The following CPAMD8 variants were observed in gnomAD, a reference collection of about 807,000 sequenced individuals.
The protein encoded by CPAMD8 is C3 and PZP-like alpha-2-macroglobulin domain-containing protein 8.
A neutral mutation model predicts 224.7 loss-of-function variants in CPAMD8; 146 were observed. The observed-to-expected ratio is 0.65, with a 90% CI of 0.57 to 0.75. CPAMD8 has a LOEUF of 0.75. CPAMD8 is among the 30% of genes least tolerant of loss of function. CPAMD8 has a pLI of 0.00. For synonymous variants in CPAMD8, 966 were observed against 1,044.6 expected (o/e 0.92, Z 1.45); for missense variants, 2,301 against 2,537.5 (o/e 0.91, Z 2.00).
chr19:16,915,743 T>C (rs780342820), intron 27 of CPAMD8, among the ~76,000 whole-genome samples: 1 of 152,156 alleles, frequency 6.6e-6, no homozygotes, highest in Non-Finnish European at 1.5e-5. Context: ...ATGAATAAGC[T>C]GTCTTCAAAA....
At chr19:17,025,061 T>C (rs1026506156) in intron 1 of CPAMD8, among the ~76,000 whole-genome samples, 5 of 152,132 alleles carry the variant, frequency 3.3e-5, no homozygotes, top group Admixed American at 2.6e-4. Context: ...ACTTAACAGA[T>C]GGTAAGATCA....
chr19:16,964,417 C>T (rs533814545), intron 18 of CPAMD8, among the ~76,000 whole-genome samples: 4 of 152,206 alleles, frequency 2.6e-5, no homozygotes, highest in East Asian at 3.9e-4. Flanking sequence ...AACACCTCTA[C>T]GCAAATAAAC....
At chr19:17,006,954 C>T (rs536341858) in intron 7 of CPAMD8, among the ~76,000 whole-genome samples, 61 of 152,268 alleles carry the variant, frequency 4.0e-4, no homozygotes, top group African/African-American at 1.3e-3. Context: ...CTATGTGGCG[C>T]CCAACAAATA....
At chr19:16,930,138 C>G (rs781294348) in intron 23 of CPAMD8, among the ~76,000 whole-genome samples, 29 of 151,842 alleles carry the variant, frequency 1.9e-4, no homozygotes, top group Non-Finnish European at 4.1e-4. Flanking sequence ...GCCTGTAATC[C>G]CGGCTACTCA....
At chr19:16,906,423 C>T (rs1293867853) in intron 30 of CPAMD8, among the ~76,000 whole-genome samples, 1 of 131,732 alleles carries the variant, frequency 7.6e-6, no homozygotes, top group East Asian at 2.2e-4. Flanking sequence ...TCCTTCCTTC[C>T]TTCCTTCCTT....
chr19:16,933,211 G>A (rs1182646705), intron 23 of CPAMD8, among the ~76,000 whole-genome samples: 1 of 151,648 alleles, frequency 6.6e-6, no homozygotes, highest in Non-Finnish European at 1.5e-5. Context: ...ATGAATCATG[G>A]CCACTTTGTA....
rs1314488187 is a variant in CPAMD8, at chr19:16,899,726, C to T, written c.4774-177G>A. Reference sequence around the variant, plus strand: ...CAGCCTCTCAGCACCCAGGAGAGGACGCTCAAGGATGGCTATCCCCGCTGG... The same window carrying T: ...CAGCCTCTCAGCACCCAGGAGAGGATGCTCAAGGATGGCTATCCCCGCTGG... On this transcript the variant is annotated intron_variant, in intron 36 of 41. Transcript: ENST00000443236. This position sits in a 1 kb window ranked among gnomAD's most constrained non-coding sequence, Gnocchi z 5.4. Among the ~76,000 whole-genome samples, 1 of 152,044 alleles carries T rather than the reference C, an allele frequency of 6.6e-6. No individual in the cohort carries two copies. The highest frequency in any genetic ancestry group is 1.9e-4 in the East Asian group (1 of 5,168).
intron 14 of CPAMD8, 137 bp from the exon 15 acceptor site, chr19:16,977,677 G>A: frequency 1.6e-6 from 1 of 618,466 alleles, no homozygotes; most frequent in Non-Finnish European, 2.7e-6. Context: ...CTTTGGTTTT[G>A]AGATGCCCTT....
Position 16,899,406 on chromosome 19 carries a change from A to G in CPAMD8, c.4848+69T>C. The G allele has an allele frequency of 1.3e-6, 1 of 787,450 alleles. No individual in the cohort carries two copies. Among genetic ancestry groups the G allele is most frequent in the Non-Finnish European group, 2.3e-6 (1 of 429,920 alleles). 48.8% of individuals were successfully genotyped at this position (787,450 alleles called of 1,614,324 possible). On this transcript the variant is annotated intron_variant, in intron 37 of 41. Transcript: ENST00000443236. This position sits in a 1 kb window ranked among gnomAD's most constrained non-coding sequence, Gnocchi z 5.4. The stretch of plus-strand genomic sequence containing the variant: ...ATACTTGCAGGGAGCCACACCAGGC[A>G]GTGACCGGTGCACCCTCACCAACAT...
chr19:16,994,174 A>C (rs2056050993), intron 11 of CPAMD8, among the ~76,000 whole-genome samples: 1 of 152,222 alleles, frequency 6.6e-6, no homozygotes, highest in Non-Finnish European at 1.5e-5. Flanking sequence ...ACTCAAATGG[A>C]TCACAGACCT....
intron 3 of CPAMD8, among the ~76,000 whole-genome samples, chr19:17,014,060 T>G (rs1485873766): frequency 6.7e-6 from 1 of 148,606 alleles, no homozygotes; most frequent in Non-Finnish European, 1.5e-5. Context: ...TCTTTCTTTC[T>G]TTTGTTTTTA....
intron 27 of CPAMD8, among the ~76,000 whole-genome samples, chr19:16,921,108 G>C (rs1400131532): frequency 6.6e-6 from 1 of 152,068 alleles, no homozygotes; most frequent in East Asian, 1.9e-4. Context: ...GCTGGGGGAG[G>C]CTGGGTGAGT....
intron 14 of CPAMD8, among the ~76,000 whole-genome samples, chr19:16,979,604 G>GTTCA (rs111349171): frequency 2.4e-4 from 36 of 149,448 alleles, no homozygotes; most frequent in African/African-American, 8.9e-4. Flanking sequence ...TGTTCTATCA[G>GTTCA]TCCATCCATC....
chr19:16,913,821 C>G lies in CPAMD8; in HGVS notation c.3861+603G>C, dbSNP rs189515135. On this transcript the variant is annotated intron_variant, in intron 29 of 41. Transcript: ENST00000443236. ...AGAAGTGCCCAAACTCATAATTTAT[C>G]ATGAGAGATTGTAGAATTGATGTAG... Among the ~76,000 whole-genome samples the G allele has an allele frequency of 2.0e-5, 3 of 152,224 alleles. No homozygotes were observed. The East Asian group carries it at 5.8e-4, about 29-fold the overall frequency.
intron 23 of CPAMD8, among the ~76,000 whole-genome samples, chr19:16,936,406 T>TTTG (rs1275688165): frequency 6.6e-6 from 1 of 151,978 alleles, no homozygotes; most frequent in Non-Finnish European, 1.5e-5. Context: ...TGTTTGTTTG[T>TTTG]TTGTTGTTGT....
intron 26 of CPAMD8, among the ~76,000 whole-genome samples, chr19:16,924,143 A>AT (rs1568481248): frequency 6.6e-6 from 1 of 151,804 alleles, no homozygotes; most frequent in African/African-American, 2.4e-5. Context: ...GGACACCTTT[A>AT]TTTTTGACTT....
chr19:16,950,050 C>T (rs2122332663), intron 20 of CPAMD8, among the ~76,000 whole-genome samples: 1 of 152,274 alleles, frequency 6.6e-6, no homozygotes, highest in South Asian at 2.1e-4. Context: ...GTAATCCCAG[C>T]ATTTTGGGAG....
rs1446120914 is a variant in CPAMD8, at chr19:16,896,452, T to A, written c.5275+4A>T. Reference sequence around the variant, plus strand: ...CGAGGCTAGGCGGGGGGTAGGGTCCTCACCGAGGGCGCAGCAGCTGGGAGG... The same window carrying A: ...CGAGGCTAGGCGGGGGGTAGGGTCCACACCGAGGGCGCAGCAGCTGGGAGG... On this transcript the variant is annotated splice_donor_region_variant and intron_variant, in intron 40 of 41. Coordinates refer to ENST00000443236, the MANE Select transcript of CPAMD8 (RefSeq NM_015692.5). The A allele has an allele frequency of 1.4e-6, 2 of 1,452,020 alleles. No homozygotes were observed. The highest frequency in any genetic ancestry group is 2.9e-5 in the South Asian group (2 of 69,646). The allele number at this position is 1,452,020 out of a possible 1,614,324, so 89.9% of individuals were successfully genotyped here. A position where few individuals can be genotyped will look rare whatever the true frequency, so the allele number is the denominator to read the frequency against.
rs545114164 is a variant in CPAMD8 at position 16,927,470 on chromosome 19, G to A, written c.3370+539C>T. On this transcript the variant is annotated intron_variant, in intron 25 of 41. Coordinates refer to ENST00000443236, the MANE Select transcript of CPAMD8 (RefSeq NM_015692.5). ...AGTCTTGGGTATGTCTTTATCAGCA[G>A]CATGAAAACAGACTAATACACATCC... is the stretch of plus-strand genomic sequence containing the variant. Among the ~76,000 whole-genome samples, 3 of 152,042 alleles carry A rather than the reference G, an allele frequency of 2.0e-5. No homozygotes were observed. The South Asian group carries it at 6.2e-4, about 32-fold the overall frequency.
Sources: allele counts gnomAD v4.1 joint callset (sites outside exome capture counted in the v4.1 genomes callset), GRCh38; gene constraint gnomAD v4.1.1; non-coding constraint Gnocchi (gnomAD v3.1); transcripts MANE v1.5; gene names NCBI Gene and HGNC (gene_info 2026-07-23, HGNC 2026-07-21).